ADARB2: variants seen among roughly 807,000 people sequenced by gnomAD.
ADARB2 encodes inactive double-stranded RNA-specific editase B2.
Under a neutral mutation model 62.2 loss-of-function variants are expected in ADARB2, and 25 were observed. The ratio of observed to expected loss-of-function variants is 0.40; its 90% confidence interval spans 0.29 to 0.56. ADARB2 has a LOEUF of 0.56. Among genes scored for constraint, ADARB2 ranks in the 20% least tolerant of loss-of-function variants. ADARB2 has a pLI of 0.43. For missense variants in ADARB2, 1,071 were observed against 1,077.4 expected (o/e 0.99, Z 0.08); for synonymous variants, 572 against 500.8 (o/e 1.14, Z -1.90).
intron 1 of ADARB2, among the ~76,000 whole-genome samples, chr10:1,428,565 G>A (rs552468209): frequency 3.3e-5 from 5 of 152,234 alleles, no homozygotes; most frequent in African/African-American, 1.2e-4. Flanking sequence ...GGGATTACAG[G>A]CATGAACCAC....
intron 4 of ADARB2, among the ~76,000 whole-genome samples, chr10:1,254,353 G>C (rs1283325050): frequency 3.3e-5 from 5 of 152,210 alleles, no homozygotes; most frequent in Non-Finnish European, 5.9e-5. Flanking sequence ...GAGTGGAGAT[G>C]ATGGGTAGAA....
intron 2 of ADARB2, among the ~76,000 whole-genome samples, chr10:1,369,368 A>G (rs2131854149): frequency 6.6e-6 from 1 of 152,182 alleles, no homozygotes; most frequent in African/African-American, 2.4e-5. Context: ...TCTCTACTCA[A>G]TAGGCCACAC....
intron 1 of ADARB2, among the ~76,000 whole-genome samples, chr10:1,394,330 G>A (rs558296553): frequency 1.6e-4 from 24 of 152,270 alleles, no homozygotes; most frequent in Admixed American, 1.3e-4. Context: ...CCATCCACCC[G>A]GGGCCCAGCC....
chr10:1,641,199 A>G (rs1018351326), intron 1 of ADARB2, among the ~76,000 whole-genome samples: 2 of 152,254 alleles, frequency 1.3e-5, no homozygotes, highest in African/African-American at 2.4e-5. Context: ...AAATAATTCA[A>G]TAAAAAGTCT....
rs770089346 is a variant in ADARB2, at chr10:1,184,854, G to A, written c.2043+7C>T. The A allele has an allele frequency of 1.1e-5, 18 of 1,610,714 alleles. No individual in the cohort carries two copies. The highest frequency in any genetic ancestry group is 4.0e-5 in the African/African-American group (3 of 74,924). The stretch of plus-strand genomic sequence containing the variant: ...CCAGTTTCCCTGCAAGGATGGGTGC[G>A]ACCTACCCTGCCATACAGCCGCGCC... On this transcript the variant is annotated splice_region_variant and intron_variant, in intron 9 of 9. Coordinates refer to ENST00000381312, the MANE Select transcript of ADARB2 (RefSeq NM_018702.4).
chr10:1,263,609 C>G (rs914420668), intron 4 of ADARB2, among the ~76,000 whole-genome samples: 1 of 152,212 alleles, frequency 6.6e-6, no homozygotes, highest in Non-Finnish European at 1.5e-5. Context: ...GTTTGAACAG[C>G]TTTGATTGGA....
intron 1 of ADARB2, among the ~76,000 whole-genome samples, chr10:1,628,732 A>C (rs1833803370): frequency 6.6e-6 from 1 of 152,350 alleles, no homozygotes; most frequent in Admixed American, 6.5e-5. Context: ...TTTTCAGCGA[A>C]CTGGGAGAAA....
At chr10:1,270,856 T>C (rs1407332160) in intron 4 of ADARB2, 99 bp downstream of exon 4, 1 of 1,000,508 alleles carries the variant, frequency 1.0e-6, no homozygotes. Flanking sequence ...TCACAGCCTG[T>C]TGTGGAAGAG....
intron 1 of ADARB2, among the ~76,000 whole-genome samples, chr10:1,491,954 C>T (rs1283271759): frequency 6.6e-6 from 1 of 152,138 alleles, no homozygotes; most frequent in Non-Finnish European, 1.5e-5. Context: ...TTGTAAATTG[C>T]TACAAAATGA....
chr10:1,313,948 G>T (rs111445236), intron 3 of ADARB2, among the ~76,000 whole-genome samples: 1 of 152,074 alleles, frequency 6.6e-6, no homozygotes, highest in Non-Finnish European at 1.5e-5. Context: ...TCTGAAACTC[G>T]CTATGTCTGA....
At chr10:1,709,415 G>A (rs1273349926) in intron 1 of ADARB2, among the ~76,000 whole-genome samples, 3 of 152,190 alleles carry the variant, frequency 2.0e-5, no homozygotes, top group Admixed American at 1.3e-4. Context: ...TCTTGCCACA[G>A]ACTCTAATTT....
intron 1 of ADARB2, among the ~76,000 whole-genome samples, chr10:1,427,141 G>C (rs1369565607): frequency 6.6e-6 from 1 of 152,234 alleles, no homozygotes; most frequent in Non-Finnish European, 1.5e-5. Flanking sequence ...GAATTCAGTG[G>C]AGGACAGGTC....
intron 3 of ADARB2, among the ~76,000 whole-genome samples, chr10:1,313,764 T>C (rs1831713012): frequency 6.6e-6 from 1 of 152,204 alleles, no homozygotes; most frequent in Non-Finnish European, 1.5e-5. Context: ...GCTTGCACAG[T>C]GCAAACTTCC....
intron 1 of ADARB2, among the ~76,000 whole-genome samples, chr10:1,393,215 TTTTTAG>T (rs1469967246): frequency 1.3e-5 from 2 of 152,244 alleles, no homozygotes; most frequent in African/African-American, 4.8e-5. Context: ...TTTCTAGTAT[TTTTTAG>T]TTTTAATTTT....
chr10:1,344,751 A>G (rs1832063093), intron 3 of ADARB2, among the ~76,000 whole-genome samples: 1 of 152,172 alleles, frequency 6.6e-6, no homozygotes, highest in Non-Finnish European at 1.5e-5. Context: ...AGGCACTCTC[A>G]CACACACTGT....
intron 1 of ADARB2, among the ~76,000 whole-genome samples, chr10:1,389,211 T>C (rs1832548689): frequency 6.6e-6 from 1 of 152,182 alleles, no homozygotes; most frequent in Admixed American, 6.5e-5. Flanking sequence ...AGGAGATTAC[T>C]TTCATGGTTT....
At chr10:1,699,238 C>A (rs61831984) in intron 1 of ADARB2, among the ~76,000 whole-genome samples, 67,008 of 73,332 alleles carry the variant, frequency 0.91, 30,789 homozygotes, top group South Asian at 0.96. Flanking sequence ...AGGCGCTCGC[C>A]AATACACTCA....
intron 1 of ADARB2, among the ~76,000 whole-genome samples, chr10:1,538,591 G>A (rs1424190371): frequency 6.6e-6 from 1 of 152,230 alleles, no homozygotes; most frequent in Non-Finnish European, 1.5e-5. Context: ...GAGGCATGGA[G>A]GCCACAGGGC....
At chr10:1,275,588 T>C (rs936166293) in intron 3 of ADARB2, among the ~76,000 whole-genome samples, 1 of 152,064 alleles carries the variant, frequency 6.6e-6, no homozygotes, top group African/African-American at 2.4e-5. Flanking sequence ...ACATGTGCCA[T>C]GTTGGTGTGC....
Sources: allele counts gnomAD v4.1 joint callset (sites outside exome capture counted in the v4.1 genomes callset), GRCh38; gene constraint gnomAD v4.1.1; transcripts MANE v1.5; gene names NCBI Gene and HGNC (gene_info 2026-07-23, HGNC 2026-07-21).